The following ARHGAP31 variants were observed in gnomAD, a reference collection of about 807,000 sequenced individuals.
The protein encoded by ARHGAP31 is rho GTPase-activating protein 31.
A neutral mutation model predicts 113.9 loss-of-function variants in ARHGAP31; 34 were observed. The ratio of observed to expected loss-of-function variants is 0.30; its 90% CI spans 0.23 to 0.40. The LOEUF (loss-of-function observed/expected upper bound fraction) is 0.40. ARHGAP31 is among the 10% of genes least tolerant of loss of function. The probability of loss-of-function intolerance (pLI) is 1.00; values close to 1 mark genes in which losing one functional copy is unlikely to be tolerated. For synonymous variants in ARHGAP31, 650 were observed against 684.8 expected, an observed-to-expected ratio of 0.95 and a Z score of 0.79; for missense variants, 1,548 against 1,767.1, an observed-to-expected ratio of 0.88 and a Z score of 2.22.
chr3:119,399,809 G>A (rs2080584270), intron 9 of ARHGAP31, among the ~76,000 whole-genome samples: 1 of 152,178 alleles, frequency 6.6e-6, no homozygotes, highest in Non-Finnish European at 1.5e-5. Context: ...TCAGCCATGT[G>A]CAAACCACAA....
At chr3:119,394,338 G>A (rs1328275083) in intron 8 of ARHGAP31, among the ~76,000 whole-genome samples, 1 of 152,166 alleles carries the variant, frequency 6.6e-6, no homozygotes, top group Non-Finnish European at 1.5e-5. Flanking sequence ...GAATTCTGCT[G>A]AAAAGACCTG....
At chr3:119,340,919 C>G (rs1313718942) in intron 1 of ARHGAP31, among the ~76,000 whole-genome samples, 1 of 152,204 alleles carries the variant, frequency 6.6e-6, no homozygotes, top group Non-Finnish European at 1.5e-5. Flanking sequence ...ATCACTTTAA[C>G]TATACCCGAT....
chr3:119,375,439 T>C (rs765538715), intron 3 of ARHGAP31, among the ~76,000 whole-genome samples: 1 of 152,124 alleles, frequency 6.6e-6, no homozygotes, highest in Non-Finnish European at 1.5e-5. Context: ...CCTGCTCCTA[T>C]ATAGATACCC....
chr3:119,383,362 T>C, intron 6 of ARHGAP31, 136 bp downstream of exon 6: 1 of 1,158,260 alleles, frequency 8.6e-7, no homozygotes, highest in South Asian at 1.2e-5. Flanking sequence ...CTACTGTGTG[T>C]CAGTGTCTGA....
At chr3:119,360,200 T>C (rs1185257034) in intron 1 of ARHGAP31, among the ~76,000 whole-genome samples, 4 of 152,220 alleles carry the variant, frequency 2.6e-5, no homozygotes, top group Non-Finnish European at 4.4e-5. Flanking sequence ...CCGAGTGTCT[T>C]TGAGCTGCAC....
Position 119,368,410 on chromosome 3 carries a change from G to A in ARHGAP31, c.242G>A (p.Arg81Lys), listed in dbSNP as rs748873116. The stretch of plus-strand genomic sequence containing the variant: ...TCAGATCAATGTCCAGATCTGACAA[G>A]GGAAGTGTACCTCCAGGACATCCAC... ...FGSDQCPDLT[R>K]EVYLQDIHCV... Residue 81 changes from arginine (R) to lysine (K), a missense_variant, in exon 3 of 12, where the codon AGG becomes AAG. Coordinates refer to ENST00000264245, the MANE Select transcript of ARHGAP31 (RefSeq NM_020754.4). 36 of 1,614,188 alleles carry A rather than the reference G, an allele frequency of 2.2e-5. No individual in the cohort carries two copies. Among genetic ancestry groups the A allele is most frequent in the Non-Finnish European group, 3.0e-5 (35 of 1,180,028 alleles).
chr3:119,335,129 C>T (rs892438812), intron 1 of ARHGAP31, among the ~76,000 whole-genome samples: 2 of 152,060 alleles, frequency 1.3e-5, no homozygotes, highest in Non-Finnish European at 2.9e-5. Flanking sequence ...GCCCAGCCAA[C>T]AAAAGTCTAT....
intron 1 of ARHGAP31, among the ~76,000 whole-genome samples, chr3:119,319,567 C>T (rs1176327198): frequency 1.3e-5 from 2 of 152,098 alleles, no homozygotes; most frequent in African/African-American, 4.8e-5. Context: ...ACAGTCATAT[C>T]CAACCCAAAC....
Position 119,415,098 on chromosome 3 carries a change from A to G in ARHGAP31, c.3169A>G (p.Ile1057Val). ...ACACCTGGGGCACAGCAGTCCACAG[A>G]TTAGGCAAGGTGGTGTTCCTGGGCC... ...GTHLGHSSPQ[I>V]RQGGVPGPES... Residue 1057 changes from isoleucine to valine, a missense_variant, in exon 12 of 12, where the codon ATT (isoleucine) becomes GTT (valine). Transcript: ENST00000264245. 6.2e-7 allele frequency: 1 copy of G among 1,614,208 alleles called. No individual in the cohort carries two copies. The highest frequency in any genetic ancestry group is 8.5e-7 in the Non-Finnish European group (1 of 1,180,034).
chr3:119,332,635 T>TCTCTCTCTCTCTCTCTCTCACA (rs1403595583), intron 1 of ARHGAP31, among the ~76,000 whole-genome samples: 1 of 85,666 alleles, frequency 1.2e-5, no homozygotes, highest in Non-Finnish European at 2.1e-5. Context: ...TCTCTCTCTC[T>TCTCTCTCTCTCTCTCTCTCACA]CACACACACA....
At chr3:119,348,055 G>A (rs562703657) in intron 1 of ARHGAP31, among the ~76,000 whole-genome samples, 48 of 152,268 alleles carry the variant, frequency 3.2e-4, no homozygotes, top group African/African-American at 1.1e-3. Flanking sequence ...TACACAGCAG[G>A]AGGTGACTGG....
At chr3:119,335,668 G>T (rs949452997) in intron 1 of ARHGAP31, among the ~76,000 whole-genome samples, 1 of 152,226 alleles carries the variant, frequency 6.6e-6, no homozygotes. Flanking sequence ...GCACTCTGAG[G>T]AGGAGGGGCA....
chr3:119,355,657 C>T (rs1429792229), intron 1 of ARHGAP31, among the ~76,000 whole-genome samples: 1 of 151,988 alleles, frequency 6.6e-6, no homozygotes, highest in Admixed American at 6.6e-5. Context: ...CACGACAGGC[C>T]CCGGTGTGTG....
Position 119,383,142 on chromosome 3 carries a change from G to C in ARHGAP31, c.598G>C (p.Val200Leu). The C allele has an allele frequency of 2.5e-6, 4 of 1,614,220 alleles. No individual in the cohort carries two copies. Among genetic ancestry groups the C allele is most frequent in the Non-Finnish European group, 3.4e-6 (4 of 1,180,026 alleles). The change falls in exon 6 of 12, where the codon GTC (valine) becomes CTC (leucine). Residue 200 changes from valine to leucine, a missense_variant. Val to Leu is a conservative substitution (Grantham distance 32, BLOSUM62 1). Coordinates refer to ENST00000264245, the MANE Select transcript of ARHGAP31 (RefSeq NM_020754.4). ...AGATGCAGCCTTCCTTGCAGTCCGG[G>C]TCCAGCAGGTGGTGATTGAGTTCAT... ...NGDAAFLAVR[V>L]QQVVIEFILN...
At chr3:119,354,235 A>C (rs1023596351) in intron 1 of ARHGAP31, among the ~76,000 whole-genome samples, 2 of 152,222 alleles carry the variant, frequency 1.3e-5, no homozygotes, top group African/African-American at 4.8e-5. Context: ...CAACAGGGTC[A>C]CTGGAAAGGA....
chr3:119,410,272 A>G (rs2080704519), intron 11 of ARHGAP31, among the ~76,000 whole-genome samples: 2 of 152,160 alleles, frequency 1.3e-5, no homozygotes, highest in Non-Finnish European at 2.9e-5. Context: ...ACAATGCTGG[A>G]GCTGACTAAA....
At chr3:119,354,991 C>T (rs1264612796) in intron 1 of ARHGAP31, among the ~76,000 whole-genome samples, 10 of 152,052 alleles carry the variant, frequency 6.6e-5, no homozygotes, top group Admixed American at 5.9e-4. Flanking sequence ...TGGCAGTCAA[C>T]GGCAAGGAGC....
Position 119,294,462 on chromosome 3 carries a change from C to G in ARHGAP31, c.-443C>G, listed in dbSNP as rs886057792. On this transcript the variant is annotated 5_prime_UTR_variant, in exon 1 of 12. Coordinates refer to ENST00000264245, the MANE Select transcript of ARHGAP31 (RefSeq NM_020754.4). ...GTCGTCTGAAGGCGAGACAGCGGGCCCAGGGCGCAGGACCCACCGCAGCCC... is the reference window on the plus strand; with the variant it reads ...GTCGTCTGAAGGCGAGACAGCGGGCGCAGGGCGCAGGACCCACCGCAGCCC... The G allele has an allele frequency of 1.2e-4, 48 of 408,126 alleles. No homozygotes were observed. Among genetic ancestry groups the G allele is most frequent in the South Asian group, 1.2e-4 (1 of 8,632 alleles). 25.3% of individuals were successfully genotyped at this position (408,126 alleles called of 1,614,324 possible).
In ARHGAP31 at chr3:119,364,593, G is replaced by T. The variant is rs564473055; in HGVS notation, c.101-723G>T. Among the ~76,000 whole-genome samples the T allele has an allele frequency of 4.1e-4, 62 of 152,256 alleles. 1 individual carries two copies. Among genetic ancestry groups the T allele is most frequent in the Admixed American group, 1.5e-3 (23 of 15,302 alleles). On this transcript the variant is annotated intron_variant, in intron 1 of 11. Coordinates refer to ENST00000264245, the MANE Select transcript of ARHGAP31 (RefSeq NM_020754.4). The stretch of plus-strand genomic sequence containing the variant: ...GGGTTGTTAAAAGGCACAGATTGCT[G>T]GGCCCCACCCCAAAATTTCTGAGTT...
Sources: gnomAD v4.1 joint callset for allele counts (sites outside exome capture counted in the v4.1 genomes callset) on GRCh38, gnomAD v4.1.1 for gene constraint, MANE v1.5 for transcripts, NCBI Gene and HGNC (gene_info 2026-07-23, HGNC 2026-07-21) for gene names.